Variants in ADAM18 observed in about 807,000 individuals in gnomAD.
ADAM18 encodes ADAM metallopeptidase domain 18.
ADAM18 carries 117 observed loss-of-function variants against 94.4 expected under a neutral mutation model. The observed-to-expected ratio is 1.24, with a 90% CI of 1.07 to 1.45. The LOEUF (loss-of-function observed/expected upper bound fraction) is 1.45, where lower values mean the gene tolerates loss of function less well. Ranked by LOEUF, ADAM18 falls within the 40% of genes most tolerant of loss-of-function variation. The pLI, the probability that ADAM18 is intolerant of heterozygous loss-of-function variation, is 0.00. For synonymous variants in ADAM18, 327 were observed against 291.6 expected (o/e 1.12, Z -1.24); for missense variants, 936 against 880.0 (o/e 1.06, Z -0.81).
intron 17 of ADAM18, among the ~76,000 whole-genome samples, chr8:39,693,822 T>G (rs1049317613): frequency 2.6e-5 from 4 of 151,220 alleles, no homozygotes; most frequent in Non-Finnish European, 5.9e-5. Flanking sequence ...GAAAAACGAC[T>G]TAAAAATAAT....
At position 39,637,019 on chromosome 8, in the gene ADAM18, T is replaced by TTA. The variant is rs35248371; in HGVS notation, c.589-199_589-198dup. ...AATAATATTTCCGCATGTGTGTATTTTATATATATATATATATATATATAT... is the reference window on the plus strand; with the variant it reads ...AATAATATTTCCGCATGTGTGTATTTTATATATATATATATATATATATATAT... On this transcript the variant is annotated intron_variant, in intron 7 of 19. Transcript: ENST00000265707. Among the ~76,000 whole-genome samples the TTA allele has an allele frequency of 1.1e-3, 63 of 54,828 alleles. 1 individual carries two copies. Among genetic ancestry groups the TTA allele is most frequent in the East Asian group, 2.1e-3 (5 of 2,326 alleles). The allele number at this position is 54,828 out of a possible 152,430, so 36.0% of individuals were successfully genotyped here. A position where few individuals can be genotyped will look rare whatever the true frequency, so the allele number is the denominator to read the frequency against.
At chr8:39,673,591 G>T (rs1490851706) in intron 14 of ADAM18, among the ~76,000 whole-genome samples, 1 of 151,856 alleles carries the variant, frequency 6.6e-6, no homozygotes, top group East Asian at 1.9e-4. Context: ...CCTTGTGATA[G>T]TTGGCTGAGA....
intron 1 of ADAM18, among the ~76,000 whole-genome samples, chr8:39,585,059 T>G (rs1818357935): frequency 6.6e-6 from 1 of 152,040 alleles, no homozygotes; most frequent in Non-Finnish European, 1.5e-5. Flanking sequence ...AGAACTGCAA[T>G]GTCTAATTTT....
intron 6 of ADAM18, among the ~76,000 whole-genome samples, chr8:39,614,888 T>C (rs779594629): frequency 2.6e-5 from 4 of 152,136 alleles, no homozygotes; most frequent in Non-Finnish European, 5.9e-5. Flanking sequence ...AAAGGGTTCA[T>C]ATCAACAAGA....
chr8:39,657,898 G>A (rs1820731306), intron 12 of ADAM18, among the ~76,000 whole-genome samples: 1 of 152,112 alleles, frequency 6.6e-6, no homozygotes, highest in African/African-American at 2.4e-5. Flanking sequence ...ATATAATGAT[G>A]TCATAGTAAG....
chr8:39,632,770 C>A (rs954328052), intron 7 of ADAM18, among the ~76,000 whole-genome samples: 14 of 152,034 alleles, frequency 9.2e-5, no homozygotes, highest in Admixed American at 7.9e-4. Flanking sequence ...ACTCTGAAAC[C>A]CTGTAGACCT....
chr8:39,668,669 A>G (rs970190984), intron 14 of ADAM18, among the ~76,000 whole-genome samples: 10 of 152,124 alleles, frequency 6.6e-5, no homozygotes, highest in African/African-American at 2.4e-4. Flanking sequence ...TGTTTTTCAA[A>G]CAGCTTTGAG....
At chr8:39,624,793 C>T (rs1333181021) in intron 6 of ADAM18, among the ~76,000 whole-genome samples, 2 of 152,126 alleles carry the variant, frequency 1.3e-5, no homozygotes, top group African/African-American at 2.4e-5. Context: ...AAGTGTGTAG[C>T]ACCTCCCCTG....
chr8:39,722,328 A>G (rs188328690), intron 18 of ADAM18, among the ~76,000 whole-genome samples: 1 of 146,588 alleles, frequency 6.8e-6, no homozygotes, highest in Non-Finnish European at 1.5e-5. Context: ...TATATATATC[A>G]TGGAATACTA....
At chr8:39,652,831 GGACTACTATTCA>G (rs1820574296) in intron 12 of ADAM18, among the ~76,000 whole-genome samples, 1 of 151,986 alleles carries the variant, frequency 6.6e-6, no homozygotes, top group Non-Finnish European at 1.5e-5. Flanking sequence ...GATACACAAT[GGACTACTATTCA>G]GACTTTTTTA....
chr8:39,706,883 G>T lies in ADAM18; in HGVS notation c.1996G>T (p.Asp666Tyr), dbSNP rs1224573496. 6.3e-7 allele frequency: 1 copy of T among 1,598,152 alleles called. No homozygotes were observed. The highest frequency in any genetic ancestry group is 1.7e-5 in the Admixed American group (1 of 59,176). The change falls in exon 18 of 20, where the codon GAT (aspartate) becomes TAT (tyrosine). Residue 666 changes from aspartate (D) to tyrosine (Y), a missense_variant. Transcript: ENST00000265707. ...TGGTTCCCCAGGGGGTAGTATTGAT[G>T]ATGGAAATTTTCAGAAATCTGGTAA... ...QFGSPGGSID[D>Y]GNFQKSGDFY...
chr8:39,676,038 C>T (rs765364299), intron 14 of ADAM18, among the ~76,000 whole-genome samples: 20 of 152,260 alleles, frequency 1.3e-4, no homozygotes, highest in African/African-American at 3.1e-4. Context: ...GAGGGGCAGC[C>T]GCCTATATGA....
intron 6 of ADAM18, among the ~76,000 whole-genome samples, chr8:39,626,714 G>A (rs938696879): frequency 6.6e-6 from 1 of 151,922 alleles, no homozygotes; most frequent in Non-Finnish European, 1.5e-5. Context: ...CTATAGTTTT[G>A]AGGGTTCCTT....
chr8:39,715,648 A>G (rs1433453898), intron 18 of ADAM18, among the ~76,000 whole-genome samples: 2 of 152,058 alleles, frequency 1.3e-5, no homozygotes, highest in African/African-American at 4.8e-5. Flanking sequence ...AAGCGGTAAT[A>G]GAGAAATATT....
intron 17 of ADAM18, among the ~76,000 whole-genome samples, chr8:39,698,484 C>T (rs1481067420): frequency 6.6e-6 from 1 of 151,978 alleles, no homozygotes; most frequent in Non-Finnish European, 1.5e-5. Context: ...CTAGTGTCCA[C>T]TGGAGACCCT....
chr8:39,694,088 T>G (rs1476092463), intron 17 of ADAM18, among the ~76,000 whole-genome samples: 1 of 151,338 alleles, frequency 6.6e-6, no homozygotes, highest in Non-Finnish European at 1.5e-5. Flanking sequence ...AGCATCAGTA[T>G]AAAGAAGTTA....
intron 2 of ADAM18, among the ~76,000 whole-genome samples, chr8:39,587,437 C>A (rs1341559287): frequency 3.3e-5 from 5 of 152,016 alleles, no homozygotes; most frequent in African/African-American, 1.2e-4. Context: ...TTATGATTTC[C>A]ACTGTTTTAT....
chr8:39,672,657 C>T (rs1042354442), intron 14 of ADAM18, among the ~76,000 whole-genome samples: 1 of 152,194 alleles, frequency 6.6e-6, no homozygotes, highest in South Asian at 2.1e-4. Flanking sequence ...AACTCATTGA[C>T]TTAAGTGGGA....
Position 39,706,793 on chromosome 8 carries a change from T to C in ADAM18, c.1906T>C (p.Cys636Arg). 2 of 1,572,366 alleles carry C rather than the reference T, an allele frequency of 1.3e-6. No homozygotes were observed. Among genetic ancestry groups the C allele is most frequent in the Non-Finnish European group, 1.7e-6 (2 of 1,144,092 alleles). The change falls in exon 18 of 20, where the codon TGT becomes CGT. Residue 636 changes from cysteine (C) to arginine (R), a missense_variant. Physicochemically the swap from Cys to Arg is radical, Grantham distance 180. Transcript: ENST00000265707. ...ATTKCKGKGICNNFGNCQCFP... is the reference protein window; with the variant it reads ...ATTKCKGKGIRNNFGNCQCFP... ...TTTCTGTATTTTTCTGTTTCAGATA[T>C]GTAATAATTTTGGTAATTGTCAATG... is the stretch of plus-strand genomic sequence containing the variant.
Sources: gnomAD v4.1 joint callset for allele counts (sites outside exome capture counted in the v4.1 genomes callset) on GRCh38, gnomAD v4.1.1 for gene constraint, MANE v1.5 for transcripts, NCBI Gene and HGNC (gene_info 2026-07-23, HGNC 2026-07-21) for gene names.